ZBTB20: variants seen among roughly 807,000 people sequenced by gnomAD.
ZBTB20 encodes zinc finger and BTB domain-containing protein 20.
A neutral mutation model predicts 56.9 loss-of-function variants in ZBTB20; 9 were observed. The observed-to-expected ratio is 0.16, with a 90% confidence interval of 0.10 to 0.28. The LOEUF is 0.28. Among genes scored for constraint, ZBTB20 ranks in the 10% least tolerant of loss-of-function variants. ZBTB20 has a pLI of 1.00. For missense variants in ZBTB20, 655 were observed against 1,003.0 expected (o/e 0.65, Z 4.69); for synonymous variants, 417 against 420.7 (o/e 0.99, Z 0.11).
At chr3:114,423,436 T>A (rs1372872161) in intron 7 of ZBTB20, among the ~76,000 whole-genome samples, 1 of 152,248 alleles carries the variant, frequency 6.6e-6, no homozygotes, top group Non-Finnish European at 1.5e-5. Flanking sequence ...CTGTGTTTTA[T>A]ACCTTGGAAT....
In ZBTB20 at chr3:114,689,175, A is replaced by C. The variant is rs547423450; in HGVS notation, c.-295+4353T>G. Reference sequence around the variant, plus strand: ...ACTCTAGGTAGAGCAGAATCACCAAAGTTCTCTCATTACGGTAATGTCATA... The same window carrying C: ...ACTCTAGGTAGAGCAGAATCACCAACGTTCTCTCATTACGGTAATGTCATA... On this transcript the variant is annotated intron_variant, in intron 6 of 11. Coordinates refer to ENST00000675478, the MANE Select transcript of ZBTB20 (RefSeq NM_001348800.3). Among the ~76,000 whole-genome samples, 11 of 152,242 alleles carry C rather than the reference A, an allele frequency of 7.2e-5. No individual in the cohort carries two copies. In the South Asian group the frequency reaches 1.5e-3, roughly 20 times the overall value.
rs1030020748 is a variant in ZBTB20, at chr3:114,435,620, T to C, written c.-254-46515A>G. On this transcript the variant is annotated intron_variant, in intron 7 of 11. Coordinates refer to ENST00000675478, the MANE Select transcript of ZBTB20 (RefSeq NM_001348800.3). ...CAGCATCTCTGGTTAGCAGAGTGAA[T>C]TGCTTTTATCATTTGCCAACATGTC... 2.6e-5 allele frequency among the ~76,000 whole-genome samples: 4 copies of C among 152,288 alleles called. No homozygotes were observed. The East Asian group carries it at 5.8e-4, about 22-fold the overall frequency.
At chr3:114,578,109 T>G (rs2054280855) in intron 6 of ZBTB20, among the ~76,000 whole-genome samples, 1 of 151,584 alleles carries the variant, frequency 6.6e-6, no homozygotes, top group African/African-American at 2.4e-5. Context: ...AAGATAGAAA[T>G]AAAATAAGAA....
rs535771685 is a variant in ZBTB20, at chr3:114,430,183, A to C, written c.-254-41078T>G. On this transcript the variant is annotated intron_variant, in intron 7 of 11. Coordinates refer to ENST00000675478, the MANE Select transcript of ZBTB20 (RefSeq NM_001348800.3). The stretch of plus-strand genomic sequence containing the variant: ...TCATATTACCCAAGCATTTCTCTTA[A>C]AAAGAAGAAAGGAGAAAGATAACAT... 2.0e-5 allele frequency among the ~76,000 whole-genome samples: 3 copies of C among 152,324 alleles called. No individual in the cohort carries two copies. In the South Asian group the frequency reaches 6.2e-4, roughly 32 times the overall value.
intron 1 of ZBTB20, among the ~76,000 whole-genome samples, chr3:115,121,682 G>A (rs1423045962): frequency 6.6e-6 from 1 of 151,892 alleles, no homozygotes; most frequent in East Asian, 1.9e-4. Flanking sequence ...AAGCTTTATT[G>A]ATATTATAGT....
intron 2 of ZBTB20, among the ~76,000 whole-genome samples, chr3:115,011,022 C>CA (rs1287521203): frequency 6.6e-6 from 1 of 151,988 alleles, no homozygotes; most frequent in East Asian, 2.0e-4. Flanking sequence ...AAGAATGTCT[C>CA]AGAGTCCTTT....
At chr3:114,544,406 CTTCTTTCTTTCTTTCTTTCT>C (rs200949949) in intron 6 of ZBTB20, among the ~76,000 whole-genome samples, 10,534 of 121,272 alleles carry the variant, frequency 0.087, 559 homozygotes, top group African/African-American at 0.11. Flanking sequence ...AACTAGATTT[CTTCTTTCTTTCTTTCTTTCT>C]TTCTTTCTTT....
At chr3:114,673,427 A>G (rs566240652) in intron 6 of ZBTB20, among the ~76,000 whole-genome samples, 1 of 152,296 alleles carries the variant, frequency 6.6e-6, no homozygotes, top group South Asian at 2.1e-4. Context: ...TAAAATAATT[A>G]TTATAATAAT....
At chr3:114,689,741 A>C (rs11720743) in intron 6 of ZBTB20, among the ~76,000 whole-genome samples, 8,656 of 152,272 alleles carry the variant, frequency 0.057, 336 homozygotes, top group Middle Eastern at 0.14. Context: ...AAACTTATGG[A>C]TCTTTTTAAA....
intron 7 of ZBTB20, among the ~76,000 whole-genome samples, chr3:114,439,772 C>T (rs996118824): frequency 1.6e-4 from 25 of 152,132 alleles, no homozygotes; most frequent in African/African-American, 5.3e-4. Context: ...ACATCTTTGT[C>T]CCATTAAAGA....
chr3:115,006,945 C>A (rs1011181276), intron 2 of ZBTB20, among the ~76,000 whole-genome samples: 1 of 151,562 alleles, frequency 6.6e-6, no homozygotes, highest in East Asian at 2.0e-4. Flanking sequence ...AAAAAAAACT[C>A]GAGGTAACTT....
intron 7 of ZBTB20, among the ~76,000 whole-genome samples, chr3:114,480,568 T>C (rs2041419296): frequency 6.6e-6 from 1 of 152,182 alleles, no homozygotes; most frequent in African/African-American, 2.4e-5. Flanking sequence ...TGCTTGTGGA[T>C]GTATTTCCAT....
At chr3:114,630,342 C>T (rs940028336) in intron 6 of ZBTB20, among the ~76,000 whole-genome samples, 2 of 152,138 alleles carry the variant, frequency 1.3e-5, no homozygotes, top group Non-Finnish European at 2.9e-5. Flanking sequence ...CATTGGATGG[C>T]AGAGAAGTTG....
chr3:114,593,596 C>T (rs1369440011), intron 6 of ZBTB20, among the ~76,000 whole-genome samples: 1 of 152,090 alleles, frequency 6.6e-6, no homozygotes. Context: ...GTTGGTCAGG[C>T]TGGTCTCGAT....
At chr3:115,092,213 C>T (rs1345807064) in intron 1 of ZBTB20, among the ~76,000 whole-genome samples, 1 of 152,014 alleles carries the variant, frequency 6.6e-6, no homozygotes, top group Non-Finnish European at 1.5e-5. Context: ...GAAATCAGGG[C>T]CTGAAACAAT....
intron 6 of ZBTB20, among the ~76,000 whole-genome samples, chr3:114,542,567 G>T (rs2110114765): frequency 6.6e-6 from 1 of 152,304 alleles, no homozygotes; most frequent in East Asian, 1.9e-4. Context: ...AAGGGAGAAT[G>T]GAGGTTGTGG....
At chr3:114,719,770 G>C (rs569479430) in intron 5 of ZBTB20, among the ~76,000 whole-genome samples, 1 of 152,062 alleles carries the variant, frequency 6.6e-6, no homozygotes, top group Non-Finnish European at 1.5e-5. Context: ...CAGAGAATTC[G>C]CACAATCTTG....
Position 114,558,892 on chromosome 3 carries a change from T to C in ZBTB20, c.-294-58501A>G, listed in dbSNP as rs182463562. 2.3e-4 allele frequency among the ~76,000 whole-genome samples: 35 copies of C among 152,288 alleles called. 1 individual carries two copies. Among genetic ancestry groups the C allele is most frequent in the African/African-American group, 7.5e-4 (31 of 41,578 alleles). The stretch of plus-strand genomic sequence containing the variant: ...CACTTGAGCCTCAAGGCCTTTGAAG[T>C]TGCTATTCCAATTTGCCTGAAATGA... On this transcript the variant is annotated intron_variant, in intron 6 of 11. Transcript: ENST00000675478.
chr3:115,074,222 T>A (rs1390366630), intron 1 of ZBTB20, among the ~76,000 whole-genome samples: 1 of 152,166 alleles, frequency 6.6e-6, no homozygotes, highest in African/African-American at 2.4e-5. Flanking sequence ...ATAAAATGTA[T>A]CTCTAAGCAT....
Sources: gnomAD v4.1 joint callset for allele counts (sites outside exome capture counted in the v4.1 genomes callset) on GRCh38, gnomAD v4.1.1 for gene constraint, MANE v1.5 for transcripts, NCBI Gene and HGNC (gene_info 2026-07-23, HGNC 2026-07-21) for gene names.